Variants in NRXN1 observed in about 807,000 individuals in gnomAD.
NRXN1 encodes neurexin 1, also known as neurexin-1.
In NRXN1, 39 loss-of-function variants were observed where a neutral mutation model predicts 150.9. That is an observed-to-expected ratio of 0.26 (90% CI 0.20 to 0.34). NRXN1 has a LOEUF of 0.34. NRXN1 is among the 10% of genes least tolerant of loss of function. The probability of loss-of-function intolerance (pLI) is 1.00; values close to 1 mark genes in which losing one functional copy is unlikely to be tolerated. For synonymous variants in NRXN1, 924 were observed against 757.0 expected (o/e 1.22, Z -3.62); for missense variants, 1,815 against 1,949.9 (o/e 0.93, Z 1.30).
intron 21 of NRXN1, among the ~76,000 whole-genome samples, chr2:49,998,275 A>T (rs1358951348): frequency 3.9e-5 from 6 of 152,202 alleles, no homozygotes; most frequent in Non-Finnish European, 4.4e-5. Context: ...GCCTCCTAAC[A>T]GACTACTATA....
chr2:50,047,569 G>A (rs115331724), intron 21 of NRXN1, among the ~76,000 whole-genome samples: 2,117 of 152,110 alleles, frequency 0.014, 47 homozygotes, highest in African/African-American at 0.048. Flanking sequence ...TTCTGGGTCT[G>A]AAGAAATGCC....
At chr2:50,663,111 T>A (rs551891318) in intron 5 of NRXN1, among the ~76,000 whole-genome samples, 28 of 152,188 alleles carry the variant, frequency 1.8e-4, no homozygotes, top group African/African-American at 5.8e-4. Flanking sequence ...CAAGACATCT[T>A]CATCTGCTTC....
intron 2 of NRXN1, among the ~76,000 whole-genome samples, chr2:51,010,370 G>A (rs2105182459): frequency 6.6e-6 from 1 of 151,946 alleles, no homozygotes; most frequent in African/African-American, 2.4e-5. Flanking sequence ...GTATGTATTT[G>A]ACATTTATTT....
intron 19 of NRXN1, among the ~76,000 whole-genome samples, chr2:50,065,015 C>A (rs180943731): frequency 1.5e-4 from 23 of 152,098 alleles, no homozygotes; most frequent in African/African-American, 5.6e-4. Flanking sequence ...GACAGCAGGA[C>A]TAGACCAGAC....
At chr2:50,472,749 C>A (rs1374917546) in intron 15 of NRXN1, among the ~76,000 whole-genome samples, 9 of 150,484 alleles carry the variant, frequency 6.0e-5, no homozygotes, top group African/African-American at 1.2e-4. Context: ...GAGATGCATA[C>A]CCTTGCGTGG....
intron 17 of NRXN1, among the ~76,000 whole-genome samples, chr2:50,292,786 G>A (rs971734892): frequency 6.6e-6 from 1 of 152,168 alleles, no homozygotes; most frequent in African/African-American, 2.4e-5. Flanking sequence ...GCTGCCTTTA[G>A]AGGCTCTTTT....
chr2:50,550,901 T>C (rs771185733), intron 9 of NRXN1, among the ~76,000 whole-genome samples: 1 of 151,850 alleles, frequency 6.6e-6, no homozygotes, highest in Non-Finnish European at 1.5e-5. Context: ...CAGGATGGTC[T>C]GGATCTCCTG....
At chr2:50,156,118 C>A (rs1262426505) in intron 18 of NRXN1, among the ~76,000 whole-genome samples, 1 of 151,198 alleles carries the variant, frequency 6.6e-6, no homozygotes, top group East Asian at 1.9e-4. Flanking sequence ...CTATAAAGTT[C>A]CTACAATAAA....
chr2:50,177,387 CA>C (rs1313134194), intron 18 of NRXN1, among the ~76,000 whole-genome samples: 1 of 151,800 alleles, frequency 6.6e-6, no homozygotes, highest in African/African-American at 2.4e-5. Context: ...CTGTTTTTCC[CA>C]AAACAGCATA....
intron 21 of NRXN1, among the ~76,000 whole-genome samples, chr2:49,955,184 A>G (rs894715542): frequency 6.6e-6 from 1 of 152,160 alleles, no homozygotes; most frequent in Admixed American, 6.6e-5. Flanking sequence ...TGGTTATGAA[A>G]AAGGCATGAT....
chr2:50,502,563 G>A (rs1485592471), intron 13 of NRXN1, among the ~76,000 whole-genome samples: 1 of 151,986 alleles, frequency 6.6e-6, no homozygotes, highest in African/African-American at 2.4e-5. Flanking sequence ...TACGGGAAAA[G>A]CAATTTTGAA....
intron 18 of NRXN1, among the ~76,000 whole-genome samples, chr2:50,209,286 T>C (rs1468038796): frequency 6.6e-6 from 1 of 152,106 alleles, no homozygotes; most frequent in African/African-American, 2.4e-5. Context: ...ACACTAGAGA[T>C]TTAATATATG....
chr2:50,381,303 A>G (rs568972174), intron 17 of NRXN1, among the ~76,000 whole-genome samples: 11 of 152,146 alleles, frequency 7.2e-5, no homozygotes, highest in Non-Finnish European at 1.6e-4. Flanking sequence ...TCTCATCACG[A>G]CAGTCTTCTG....
chr2:50,191,480 CATAT>C (rs921341252), intron 18 of NRXN1, among the ~76,000 whole-genome samples: 2 of 152,098 alleles, frequency 1.3e-5, no homozygotes, highest in African/African-American at 4.8e-5. Flanking sequence ...GTAGTTTTAT[CATAT>C]GTGTAGATAT....
chr2:50,771,819 T>G (rs532777213), intron 5 of NRXN1, among the ~76,000 whole-genome samples: 1 of 152,212 alleles, frequency 6.6e-6, no homozygotes, highest in African/African-American at 2.4e-5. Context: ...TAAGTGTTTT[T>G]GGAACACCTG....
At chr2:50,321,553 G>T (rs982853862) in intron 17 of NRXN1, among the ~76,000 whole-genome samples, 1 of 152,084 alleles carries the variant, frequency 6.6e-6, no homozygotes, top group South Asian at 2.1e-4. Context: ...GAGACATAAA[G>T]TTACAAAATG....
At chr2:50,011,528 G>A in intron 21 of NRXN1, among the ~76,000 whole-genome samples, 1 of 152,076 alleles carries the variant, frequency 6.6e-6, no homozygotes, top group African/African-American at 2.4e-5. Context: ...GTGCTCAAGT[G>A]TTTGTTTATA....
At chr2:50,851,044 A>C (rs1456982950) in intron 5 of NRXN1, among the ~76,000 whole-genome samples, 1 of 152,170 alleles carries the variant, frequency 6.6e-6, no homozygotes, top group African/African-American at 2.4e-5. Context: ...TCAAAATATA[A>C]AGGAAAGAAT....
At chr2:50,938,029 T>A (rs538632215) in intron 2 of NRXN1, among the ~76,000 whole-genome samples, 2 of 152,260 alleles carry the variant, frequency 1.3e-5, no homozygotes, top group African/African-American at 4.8e-5. Context: ...ACAAGGTAGG[T>A]ATTTGTGCAT....
Sources: allele counts gnomAD v4.1 joint callset (sites outside exome capture counted in the v4.1 genomes callset), GRCh38; gene constraint gnomAD v4.1.1; transcripts MANE v1.5; gene names NCBI Gene and HGNC (gene_info 2026-07-23, HGNC 2026-07-21).